Variants in LEPROTL1 observed in about 807,000 individuals in gnomAD.
LEPROTL1 encodes the protein leptin receptor overlapping transcript like 1.
LEPROTL1 carries 6 observed loss-of-function variants against 15.4 expected under a neutral mutation model. That is an observed-to-expected ratio of 0.39 (90% CI 0.21 to 0.77). The LOEUF is 0.77. LEPROTL1 is among the 30% of genes least tolerant of loss of function. The probability of loss-of-function intolerance (pLI) is 0.41; values close to 1 mark genes in which losing one functional copy is unlikely to be tolerated. For synonymous variants in LEPROTL1, 56 were observed against 52.6 expected (o/e 1.06, Z -0.28); for missense variants, 128 against 158.1 (o/e 0.81, Z 1.02).
intron 1 of LEPROTL1, among the ~76,000 whole-genome samples, chr8:30,096,860 T>C (rs2117470695): frequency 6.6e-6 from 1 of 152,362 alleles, no homozygotes; most frequent in South Asian, 2.1e-4. Flanking sequence ...TGTTTCTTTC[T>C]CTTGGCCTAA....
downstream of LEPROTL1, among the ~76,000 whole-genome samples, chr8:30,111,501 A>G (rs1802652218): frequency 6.6e-6 from 1 of 152,198 alleles, no homozygotes; most frequent in Admixed American, 6.5e-5. Context: ...CGGCTATGTC[A>G]TGAGGTAGTT....
downstream of LEPROTL1, among the ~76,000 whole-genome samples, chr8:30,112,472 CT>C (rs1031261794): frequency 1.6e-5 from 2 of 122,176 alleles, no homozygotes; most frequent in African/African-American, 6.2e-5. Flanking sequence ...GTTGGCCAGG[CT>C]GGTCTCAAAC....
At chr8:30,117,780 T>C (rs748488887) in intron 3 of LEPROTL1, 4 of 764,684 alleles carry the variant, frequency 5.2e-6, no homozygotes, top group Non-Finnish European at 9.1e-6. Flanking sequence ...TGCGCACCAT[T>C]GTGGCGGCGC....
chr8:30,128,296 C>T (rs1366677190), intron 3 of LEPROTL1, among the ~76,000 whole-genome samples: 1 of 152,198 alleles, frequency 6.6e-6, no homozygotes, highest in Non-Finnish European at 1.5e-5. Flanking sequence ...AGCAGACGTC[C>T]TGGTTTAACC....
At chr8:30,135,549 A>C (rs942437873) in intron 4 of LEPROTL1, among the ~76,000 whole-genome samples, 4 of 152,296 alleles carry the variant, frequency 2.6e-5, no homozygotes, top group Non-Finnish European at 4.4e-5. Context: ...GGCCTTAACC[A>C]ATCACCTGAG....
intron 3 of LEPROTL1, chr8:30,131,869 T>C: frequency 6.9e-7 from 1 of 1,454,836 alleles, no homozygotes; most frequent in South Asian, 1.5e-5. Context: ...TTCAAATGTA[T>C]GCATTATCGA....
In LEPROTL1 at chr8:30,107,484, A is replaced by G. The variant is rs1802586936; in HGVS notation, c.*1622A>G. ...TTTTATGAAGTTTATTTCTCAAGAA[A>G]ATGGGAATAAATTTGGGATTTGTTC... is the stretch of plus-strand genomic sequence containing the variant. On this transcript the variant is annotated 3_prime_UTR_variant, in exon 4 of 4. Transcript: ENST00000321250. The G allele has an allele frequency of 3.0e-6, 3 of 985,750 alleles. No individual in the cohort carries two copies. Among genetic ancestry groups the G allele is most frequent in the African/African-American group, 1.7e-5 (1 of 57,236 alleles). The allele number at this position is 985,750 out of a possible 1,614,324, so 61.1% of individuals were successfully genotyped here.
At chr8:30,118,378 G>A (rs546650966) in intron 3 of LEPROTL1, among the ~76,000 whole-genome samples, 4 of 152,276 alleles carry the variant, frequency 2.6e-5, no homozygotes, top group Admixed American at 2.0e-4. Context: ...GAAAAAGCTA[G>A]AAGGTTATTA....
intron 3 of LEPROTL1, among the ~76,000 whole-genome samples, chr8:30,123,047 A>G (rs1012695426): frequency 6.6e-6 from 1 of 152,166 alleles, no homozygotes; most frequent in African/African-American, 2.4e-5. Context: ...GTTCACTTAC[A>G]TAGCTGGCAA....
At position 30,096,659 on chromosome 8, in the gene LEPROTL1, T is replaced by A. The variant is rs377574647; in HGVS notation, c.16+1131T>A. Among the ~76,000 whole-genome samples the A allele has an allele frequency of 4.6e-5, 7 of 152,290 alleles. No individual in the cohort carries two copies. In the South Asian group the frequency reaches 1.0e-3, roughly 23 times the overall value. Reference sequence around the variant, plus strand: ...GGCAGTTATTGTGAATTGCTGTGGTTTTTAGGATGTTGCCCGTTTCCCTGT... The same window carrying A: ...GGCAGTTATTGTGAATTGCTGTGGTATTTAGGATGTTGCCCGTTTCCCTGT... On this transcript the variant is annotated intron_variant, in intron 1 of 3. Coordinates refer to ENST00000321250, the MANE Select transcript of LEPROTL1 (RefSeq NM_015344.3).
At chr8:30,113,936 G>A (rs1196945721) in intron 3 of LEPROTL1, among the ~76,000 whole-genome samples, 1 of 152,132 alleles carries the variant, frequency 6.6e-6, no homozygotes, top group East Asian at 1.9e-4. Flanking sequence ...GCCACCCACC[G>A]GCCTAGGGAG....
At chr8:30,132,769 T>C in intron 4 of LEPROTL1, 1 of 1,551,680 alleles carries the variant, frequency 6.4e-7, no homozygotes, top group Non-Finnish European at 8.7e-7. Flanking sequence ...GGGCAGTGCC[T>C]TACACACATG....
Position 30,096,390 on chromosome 8 carries a change from G to T in LEPROTL1, c.16+862G>T, listed in dbSNP as rs533846112. 5.4e-5 allele frequency: 53 copies of T among 985,248 alleles called. No homozygotes were observed. The African/African-American group carries it at 8.7e-4, about 16-fold the overall frequency. The allele number at this position is 985,248 out of a possible 1,614,324, so 61.0% of individuals were successfully genotyped here. A position where few individuals can be genotyped will look rare whatever the true frequency, so the allele number is the denominator to read the frequency against. ...AATTACATTGATTTCTTGACCTGCC[G>T]CTCTGTAGAAGGGCAGTCAGGCAGG... On this transcript the variant is annotated intron_variant, in intron 1 of 3. Transcript: ENST00000321250.
rs1279423959 is a variant in LEPROTL1 at position 30,107,547 on chromosome 8, A to G, written c.*1685A>G. The G allele has an allele frequency of 1.0e-6, 1 of 985,748 alleles. No individual in the cohort carries two copies. The allele number at this position is 985,748 out of a possible 1,614,324, so 61.1% of individuals were successfully genotyped here. A position where few individuals can be genotyped will look rare whatever the true frequency, so the allele number is the denominator to read the frequency against. ...AAAGATGCCTAAAGCCACAGGTTTTATTGCCTAACTTAAGCCATGACTTTT... is the reference window on the plus strand; with the variant it reads ...AAAGATGCCTAAAGCCACAGGTTTTGTTGCCTAACTTAAGCCATGACTTTT... On this transcript the variant is annotated 3_prime_UTR_variant, in exon 4 of 4. Transcript: ENST00000321250.
intron 3 of LEPROTL1, among the ~76,000 whole-genome samples, chr8:30,125,171 G>C (rs987595898): frequency 6.6e-6 from 1 of 152,184 alleles, no homozygotes; most frequent in African/African-American, 2.4e-5. Flanking sequence ...CAAGAACCAA[G>C]TAAGACAAAA....
rs117770050 is a variant in LEPROTL1, at chr8:30,115,236, G to A, written c.279+10750G>A. ...AATTAGCCGGATGTGGTGCCGCTGTGGTCCCATCTACTCCAGAGGCTGAGG... is the reference window on the plus strand; with the variant it reads ...AATTAGCCGGATGTGGTGCCGCTGTAGTCCCATCTACTCCAGAGGCTGAGG... On this transcript the variant is annotated intron_variant, in intron 3 of 4. Transcript: ENST00000442880. Among the ~76,000 whole-genome samples the A allele has an allele frequency of 2.3e-3, 342 of 151,878 alleles. 4 individuals carry two copies. Among genetic ancestry groups the A allele is most frequent in the Admixed American group, 0.017 (260 of 15,218 alleles).
chr8:30,109,540 T>A (rs1373016115), downstream of LEPROTL1, among the ~76,000 whole-genome samples: 1 of 152,240 alleles, frequency 6.6e-6, no homozygotes, highest in East Asian at 1.9e-4. Context: ...AATTTAGGAC[T>A]ATCATCATAA....
intron 3 of LEPROTL1, among the ~76,000 whole-genome samples, chr8:30,130,418 C>T (rs920985123): frequency 2.0e-5 from 3 of 152,150 alleles, no homozygotes; most frequent in African/African-American, 7.2e-5. Flanking sequence ...AATTACATAA[C>T]AGTACAGGTG....
downstream of LEPROTL1, among the ~76,000 whole-genome samples, chr8:30,112,414 T>TTTTTTTTTG (rs1351771223): frequency 7.7e-6 from 1 of 129,748 alleles, no homozygotes; most frequent in Non-Finnish European, 1.7e-5. Flanking sequence ...TTTTTTTTTT[T>TTTTTTTTTG]TTTTTTTTTT....
Sources: gnomAD v4.1 joint callset for allele counts (sites outside exome capture counted in the v4.1 genomes callset) on GRCh38, gnomAD v4.1.1 for gene constraint, MANE v1.5 for transcripts, NCBI Gene and HGNC (gene_info 2026-07-23, HGNC 2026-07-21) for gene names.